STAC: variants seen among roughly 807,000 people sequenced by gnomAD.
STAC encodes the protein SH3 and cysteine-rich domain-containing protein.
Under a neutral mutation model 48.8 loss-of-function variants are expected in STAC, and 43 were observed. The observed-to-expected ratio is 0.88, with a 90% CI of 0.69 to 1.14. The LOEUF is 1.14. Among genes scored for constraint, STAC ranks in the 50% most tolerant of loss-of-function variants. The pLI is 0.00. For missense variants in STAC, 497 were observed against 504.0 expected (o/e 0.99, Z 0.13); for synonymous variants, 193 against 179.5 (o/e 1.07, Z -0.60).
intron 8 of STAC, among the ~76,000 whole-genome samples, chr3:36,527,016 C>T (rs769451201): frequency 6.6e-6 from 1 of 152,144 alleles, no homozygotes; most frequent in African/African-American, 2.4e-5. Context: ...AATTGACACA[C>T]GCTGCTCCCT....
At chr3:36,510,121 A>G (rs1218741190) in intron 8 of STAC, among the ~76,000 whole-genome samples, 1 of 152,134 alleles carries the variant, frequency 6.6e-6, no homozygotes, top group Non-Finnish European at 1.5e-5. Context: ...CAAGAAAAAA[A>G]CCCCATCAAA....
At chr3:36,416,607 C>T (rs752006211) in intron 1 of STAC, among the ~76,000 whole-genome samples, 1 of 152,188 alleles carries the variant, frequency 6.6e-6, no homozygotes, top group Non-Finnish European at 1.5e-5. Flanking sequence ...CCATCATCTC[C>T]AGTCGGTTCC....
At chr3:36,397,524 T>C (rs1299337480) in intron 1 of STAC, among the ~76,000 whole-genome samples, 2 of 152,200 alleles carry the variant, frequency 1.3e-5, no homozygotes, top group African/African-American at 4.8e-5. Context: ...CATGAATATG[T>C]TGCATGAGAC....
chr3:36,511,959 G>A (rs1053166940), intron 8 of STAC, among the ~76,000 whole-genome samples: 1 of 152,150 alleles, frequency 6.6e-6, no homozygotes, highest in African/African-American at 2.4e-5. Flanking sequence ...CATCATAGCA[G>A]ATTTATTTAT....
chr3:36,407,274 C>CA (rs375550705), intron 1 of STAC, among the ~76,000 whole-genome samples: 19 of 149,858 alleles, frequency 1.3e-4, no homozygotes, highest in Admixed American at 3.3e-4. Context: ...ACAAACAAAC[C>CA]AAAAAAAAAT....
chr3:36,456,344 C>A (rs4678532), intron 2 of STAC, among the ~76,000 whole-genome samples: 111,897 of 152,008 alleles, frequency 0.74, 41,600 homozygotes, highest in Non-Finnish European at 0.77. Flanking sequence ...TCTGTTTGTA[C>A]GGAGATTTCA....
chr3:36,455,303 A>T (rs1324776027), intron 2 of STAC, among the ~76,000 whole-genome samples: 1 of 152,140 alleles, frequency 6.6e-6, no homozygotes, highest in Non-Finnish European at 1.5e-5. Flanking sequence ...TCTGAGGTGG[A>T]GTTTTGGTGA....
rs540091371 is a variant in STAC at position 36,416,944 on chromosome 3, C to T, written c.112-26420C>T. On this transcript the variant is annotated intron_variant, in intron 1 of 10. Coordinates refer to ENST00000273183, the MANE Select transcript of STAC (RefSeq NM_003149.3). ...CACTCCCTGTTTATAACCCCCATCA[C>T]CCAACCAAGTAATGCTGCTTTTCAG... Among the ~76,000 whole-genome samples the T allele has an allele frequency of 2.6e-5, 4 of 152,300 alleles. No homozygotes were observed. The South Asian group carries it at 8.3e-4, about 32-fold the overall frequency.
intron 1 of STAC, among the ~76,000 whole-genome samples, chr3:36,425,086 T>G (rs1700532552): frequency 6.6e-6 from 1 of 152,290 alleles, no homozygotes; most frequent in Non-Finnish European, 1.5e-5. Context: ...TAGTCACATT[T>G]TGAAATGACG....
intron 2 of STAC, among the ~76,000 whole-genome samples, chr3:36,471,299 C>G (rs1221773048): frequency 6.6e-6 from 1 of 152,196 alleles, no homozygotes; most frequent in Non-Finnish European, 1.5e-5. Context: ...CAATTACCTC[C>G]CACTTGGTCC....
intron 6 of STAC, among the ~76,000 whole-genome samples, chr3:36,493,666 G>A (rs1698056205): frequency 6.6e-6 from 1 of 152,034 alleles, no homozygotes; most frequent in Non-Finnish European, 1.5e-5. Context: ...GCCCAGGAGA[G>A]AAGTGTGGGC....
intron 2 of STAC, among the ~76,000 whole-genome samples, chr3:36,469,535 T>A (rs1697268023): frequency 6.6e-6 from 1 of 152,196 alleles, no homozygotes; most frequent in Admixed American, 6.5e-5. Context: ...TGACTTTACA[T>A]AAACTGATGA....
intron 1 of STAC, among the ~76,000 whole-genome samples, chr3:36,403,895 C>A (rs1700045028): frequency 1.3e-5 from 2 of 152,056 alleles, no homozygotes; most frequent in Non-Finnish European, 1.5e-5. Context: ...ACATGTCTCC[C>A]AAAAGAGCAT....
At chr3:36,537,097 T>C (rs1321097297) in intron 10 of STAC, among the ~76,000 whole-genome samples, 1 of 152,176 alleles carries the variant, frequency 6.6e-6, no homozygotes, top group East Asian at 1.9e-4. Context: ...ACACTGTTGG[T>C]GGGAATGTAA....
At chr3:36,424,897 TA>T (rs1700528609) in intron 1 of STAC, among the ~76,000 whole-genome samples, 1 of 151,972 alleles carries the variant, frequency 6.6e-6, no homozygotes, top group South Asian at 2.1e-4. Context: ...AATAAATAAA[TA>T]AATGAAGGGT....
intron 1 of STAC, among the ~76,000 whole-genome samples, chr3:36,387,751 G>C (rs1468049101): frequency 6.6e-6 from 1 of 151,986 alleles, no homozygotes; most frequent in African/African-American, 2.4e-5. Context: ...GAATACTTGG[G>C]CTGTTTCTAC....
chr3:36,466,937 G>T (rs550953666), intron 2 of STAC, among the ~76,000 whole-genome samples: 2 of 151,822 alleles, frequency 1.3e-5, no homozygotes, highest in African/African-American at 4.8e-5. Context: ...TTCTCGGGGG[G>T]AATGCTTTCA....
Position 36,527,082 on chromosome 3 carries a change from T to C in STAC, c.921-1614T>C, listed in dbSNP as rs370789091. On this transcript the variant is annotated intron_variant, in intron 8 of 10. Coordinates refer to ENST00000273183, the MANE Select transcript of STAC (RefSeq NM_003149.3). ...TGAAAGGGAGACCCATGGCAGACCA[T>C]AGGTATAGAATAGCGGAGAAGCCTG... Among the ~76,000 whole-genome samples, 131 of 152,302 alleles carry C rather than the reference T, an allele frequency of 8.6e-4. 3 individuals are homozygous for C. The South Asian group carries it at 0.026, about 30-fold the overall frequency.
intron 2 of STAC, among the ~76,000 whole-genome samples, chr3:36,464,765 T>A (rs1024438874): frequency 2.0e-5 from 3 of 152,152 alleles, no homozygotes; most frequent in African/African-American, 7.2e-5. Context: ...CAGGTTGCTA[T>A]GAATGACATT....
Sources: gnomAD v4.1 joint callset for allele counts (sites outside exome capture counted in the v4.1 genomes callset) on GRCh38, gnomAD v4.1.1 for gene constraint, MANE v1.5 for transcripts, NCBI Gene and HGNC (gene_info 2026-07-23, HGNC 2026-07-21) for gene names.